Variants in MRPL21 observed in about 807,000 individuals in gnomAD.
MRPL21 encodes the protein large ribosomal subunit protein bL21m.
A neutral mutation model predicts 27.3 loss-of-function variants in MRPL21; 20 were observed. The observed-to-expected ratio is 0.73, with a 90% CI of 0.52 to 1.06. The LOEUF is 1.06. Among genes scored for constraint, MRPL21 ranks in the 50% least tolerant of loss-of-function variants. The pLI is 0.00. For missense variants in MRPL21, 249 were observed against 251.4 expected (o/e 0.99, Z 0.06); for synonymous variants, 98 against 101.5 (o/e 0.97, Z 0.21).
chr11:68,892,648 G>A lies in MRPL21; in HGVS notation c.553+242C>T, dbSNP rs186703741. The A allele has an allele frequency of 4.9e-5, 71 of 1,445,812 alleles. 1 individual carries two copies. The African/African-American group carries it at 8.0e-4, about 16-fold the overall frequency. 89.6% of individuals were successfully genotyped at this position (1,445,812 alleles called of 1,614,324 possible). On this transcript the variant is annotated intron_variant, in intron 6 of 6. Coordinates refer to ENST00000362034, the MANE Select transcript of MRPL21 (RefSeq NM_181514.2). ...AGGGGAGCGAGGTGGGGTCACGTGC[G>A]GAGCGTGGAGGAGAAGGGGAGCGAG...
In MRPL21 at chr11:68,896,683, A is replaced by C. The variant is rs780556896; in HGVS notation, c.233-5T>G. On this transcript the variant is annotated splice_polypyrimidine_tract_variant and splice_region_variant and intron_variant, in intron 3 of 6. Coordinates refer to ENST00000362034, the MANE Select transcript of MRPL21 (RefSeq NM_181514.2). ...CATTCACCTTCTTCACGACCTCTGC[A>C]GGGGAAGGCGGGTGGGTGGGCAGTC... 1.3e-6 allele frequency: 2 copies of C among 1,583,230 alleles called. No homozygotes were observed. Among genetic ancestry groups the C allele is most frequent in the Non-Finnish European group, 8.6e-7 (1 of 1,157,410 alleles).
At position 68,892,555 on chromosome 11, in the gene MRPL21, TGGG is replaced by T; in HGVS notation, c.553+332_553+334del. The T allele has an allele frequency of 9.8e-6, 4 of 406,920 alleles. 1 individual carries two copies. The highest frequency in any genetic ancestry group is 9.7e-6 in the Non-Finnish European group (3 of 310,782). 25.2% of individuals were successfully genotyped at this position (406,920 alleles called of 1,614,324 possible). A position where few individuals can be genotyped will look rare whatever the true frequency, so the allele number is the denominator to read the frequency against. ...AGGGTGGAGGAGAAGGGGAGCGAGG[TGGG>T]GTCATGCGCGGAGGGTGGAGGAGAA... On this transcript the variant is annotated intron_variant, in intron 6 of 6. Coordinates refer to ENST00000362034, the MANE Select transcript of MRPL21 (RefSeq NM_181514.2).
intron 4 of MRPL21, among the ~76,000 whole-genome samples, chr11:68,896,209 CTAA>C (rs908295091): frequency 6.6e-6 from 1 of 152,198 alleles, no homozygotes; most frequent in African/African-American, 2.4e-5. Context: ...TGGGAATATA[CTAA>C]TAAGACTGGA....
rs759376432 is a variant in MRPL21, at chr11:68,891,312, G to T, written c.*19C>A. 49 of 1,611,916 alleles carry T rather than the reference G, an allele frequency of 3.0e-5. No individual in the cohort carries two copies. Among genetic ancestry groups the T allele is most frequent in the East Asian group, 6.7e-5 (3 of 44,880 alleles). ...AGCAGGAGTTTATTTTTATCCTTTT[G>T]TAAGTATTAACTCGGTAATCACAAC... On this transcript the variant is annotated 3_prime_UTR_variant, in exon 7 of 7. Coordinates refer to ENST00000362034, the MANE Select transcript of MRPL21 (RefSeq NM_181514.2).
At chr11:68,897,730 C>T in intron 3 of MRPL21, 197 bp downstream of exon 3, 2 of 590,834 alleles carry the variant, frequency 3.4e-6, no homozygotes, top group Non-Finnish European at 6.1e-6. Context: ...GGCAGGTGTT[C>T]AAGGAGTAGT....
At chr11:68,894,023 C>T (rs905216345) in intron 4 of MRPL21, among the ~76,000 whole-genome samples, 1 of 142,500 alleles carries the variant, frequency 7.0e-6, no homozygotes, top group African/African-American at 2.6e-5. Flanking sequence ...GAGACTCTGT[C>T]TCAAAGAAAA....
At chr11:68,894,534 G>T (rs999794606) in intron 4 of MRPL21, among the ~76,000 whole-genome samples, 1 of 152,100 alleles carries the variant, frequency 6.6e-6, no homozygotes, top group African/African-American at 2.4e-5. Context: ...TGCCCGCCTC[G>T]GCTTCCCAAA....
chr11:68,896,439 C>T (rs748442191), intron 4 of MRPL21, 76 bp downstream of exon 4: 26 of 1,548,064 alleles, frequency 1.7e-5, no homozygotes, highest in South Asian at 1.3e-4. Context: ...GTCCCTCCTC[C>T]GTGTGAGCTG....
intron 4 of MRPL21, 183 bp downstream of exon 4, chr11:68,896,332 G>A: frequency 1.4e-6 from 1 of 712,520 alleles, no homozygotes; most frequent in South Asian, 1.8e-5. Flanking sequence ...GTGGAAGCCT[G>A]CCCTGCCCTT....
intron 2 of MRPL21, 92 bp downstream of exon 2, chr11:68,900,456 T>C (rs1012173782): frequency 6.1e-6 from 7 of 1,154,038 alleles, no homozygotes; most frequent in African/African-American, 1.6e-5. Context: ...TTAAATATTA[T>C]TGAGAACCAA....
intron 1 of MRPL21, among the ~76,000 whole-genome samples, chr11:68,901,098 C>T (rs1330025985): frequency 1.3e-5 from 2 of 151,866 alleles, no homozygotes; most frequent in Non-Finnish European, 2.9e-5. Context: ...GATCTCTGGC[C>T]TTAGGGCTGC....
chr11:68,892,781 C>T, intron 6 of MRPL21, 109 bp downstream of exon 6: 2 of 1,547,428 alleles, frequency 1.3e-6, no homozygotes, highest in Non-Finnish European at 1.7e-6. Flanking sequence ...AGGTTGAGAC[C>T]TGCCTGGGCT....
At chr11:68,896,347 C>T in intron 4 of MRPL21, 168 bp downstream of exon 4, 1 of 835,666 alleles carries the variant, frequency 1.2e-6, no homozygotes, top group Non-Finnish European at 1.9e-6. Context: ...GCCCTTGGAC[C>T]CCAGCCCCGC....
chr11:68,899,754 A>C (rs187916598), intron 2 of MRPL21, among the ~76,000 whole-genome samples: 180 of 152,292 alleles, frequency 1.2e-3, no homozygotes, highest in Non-Finnish European at 1.9e-3. Context: ...CTTCTTTGAG[A>C]AGCAAGAAAG....
chr11:68,897,474 C>A, intron 3 of MRPL21: 1 of 165,848 alleles, frequency 6.0e-6, no homozygotes, highest in Non-Finnish European at 1.3e-5. Flanking sequence ...TCTTGATTTC[C>A]AGTGTTCTGG....
At chr11:68,891,721 C>A in intron 6 of MRPL21, 1 of 535,408 alleles carries the variant, frequency 1.9e-6, no homozygotes, top group Non-Finnish European at 3.4e-6. Context: ...TTGAGGCTAC[C>A]TGGAAGTGTC....
At chr11:68,893,858 G>A (rs1475850878) in intron 4 of MRPL21, among the ~76,000 whole-genome samples, 2 of 152,128 alleles carry the variant, frequency 1.3e-5, no homozygotes, top group Non-Finnish European at 2.9e-5. Flanking sequence ...TGGATCACAA[G>A]GTCAGGAGAT....
At chr11:68,896,701 G>C (rs1411627251) in intron 3 of MRPL21, 23 bp from the exon 4 acceptor site, 3 of 1,612,140 alleles carry the variant, frequency 1.9e-6, no homozygotes, top group African/African-American at 2.7e-5. Context: ...GCGGGTGGGT[G>C]GGCAGTCACC....
Position 68,893,627 on chromosome 11 carries a change from T to C in MRPL21, c.397-172A>G, listed in dbSNP as rs573813187. On this transcript the variant is annotated intron_variant, in intron 4 of 6. Transcript: ENST00000362034. ...TCTTTAATATCTACAACCGGGGCTG[T>C]GAGCTGACAAGTGGCAGCACTGCAC... is the stretch of plus-strand genomic sequence containing the variant. Among the ~76,000 whole-genome samples the C allele has an allele frequency of 2.8e-4, 43 of 152,342 alleles. No individual in the cohort carries two copies. The South Asian group carries it at 3.3e-3, about 12-fold the overall frequency.
Sources: allele counts gnomAD v4.1 joint callset (sites outside exome capture counted in the v4.1 genomes callset), GRCh38; gene constraint gnomAD v4.1.1; transcripts MANE v1.5; gene names NCBI Gene and HGNC (gene_info 2026-07-23, HGNC 2026-07-21).